The following SGIP1 variants were observed in gnomAD, a reference collection of about 807,000 sequenced individuals.
SGIP1 encodes SH3GL interacting endocytic adaptor 1.
In SGIP1, 38 loss-of-function variants were observed where a neutral mutation model predicts 107.5. The observed-to-expected ratio is 0.35, with a 90% confidence interval of 0.27 to 0.46. SGIP1 has a LOEUF of 0.46. Among genes scored for constraint, SGIP1 ranks in the 20% least tolerant of loss-of-function variants. The pLI, the probability that SGIP1 is intolerant of heterozygous loss-of-function variation, is 1.00. For synonymous variants in SGIP1, 365 were observed against 366.1 expected, an observed-to-expected ratio of 1.00 and a Z score of 0.03; for missense variants, 929 against 1,019.5, an observed-to-expected ratio of 0.91 and a Z score of 1.21.
At chr1:66,689,062 A>T in intron 15 of SGIP1, 86 bp from the exon 16 acceptor site, 1 of 1,433,174 alleles carries the variant, frequency 7.0e-7, no homozygotes, top group African/African-American at 1.4e-5. Context: ...AAAAAAAAAA[A>T]AATGTCCGGG....
chr1:66,632,952 G>C, intron 2 of SGIP1, 118 bp from the exon 3 acceptor site: 1 of 748,446 alleles, frequency 1.3e-6, no homozygotes, highest in Non-Finnish European at 2.4e-6. Context: ...CAGGTTTACT[G>C]GGGTGGGAAT....
chr1:66,733,137 C>T (rs749833108), intron 20 of SGIP1, among the ~76,000 whole-genome samples: 3 of 152,220 alleles, frequency 2.0e-5, no homozygotes, highest in Admixed American at 6.5e-5. Flanking sequence ...TGTATTATAA[C>T]TACCAAAATT....
intron 19 of SGIP1, among the ~76,000 whole-genome samples, chr1:66,720,526 A>G (rs2093477581): frequency 6.6e-6 from 1 of 152,174 alleles, no homozygotes; most frequent in Admixed American, 6.5e-5. Flanking sequence ...CAGGAGATCG[A>G]GACCACCCCT....
At chr1:66,536,185 T>C (rs1349530512) in intron 1 of SGIP1, among the ~76,000 whole-genome samples, 1 of 152,240 alleles carries the variant, frequency 6.6e-6, no homozygotes. Flanking sequence ...GAATTAGCAC[T>C]ATTGCTCTGG....
At chr1:66,625,972 C>A in intron 2 of SGIP1, 62 bp downstream of exon 2, 1 of 1,337,090 alleles carries the variant, frequency 7.5e-7, no homozygotes, top group Non-Finnish European at 1.1e-6. Context: ...GCTCTTATCA[C>A]AGTCAATATA....
chr1:66,533,865 T>G (rs2147908539), upstream of SGIP1, among the ~76,000 whole-genome samples: 1 of 152,010 alleles, frequency 6.6e-6, no homozygotes, highest in Middle Eastern at 3.4e-3. Flanking sequence ...CCTTGATAAC[T>G]AATCTCGGGC....
intron 18 of SGIP1, chr1:66,704,238 C>G (rs923895402): frequency 5.9e-5 from 9 of 152,004 alleles, no homozygotes; most frequent in African/African-American, 2.2e-4. Flanking sequence ...TTTGATTCTG[C>G]TGAGAGTTGC....
intron 1 of SGIP1, among the ~76,000 whole-genome samples, chr1:66,569,497 AT>A (rs1262757430): frequency 6.6e-6 from 1 of 151,424 alleles, no homozygotes; most frequent in African/African-American, 2.4e-5. Flanking sequence ...TAAGAATGTG[AT>A]TTTTCTTCTT....
chr1:66,643,724 G>A lies in SGIP1; in HGVS notation c.459+5G>A. On this transcript the variant is annotated splice_donor_5th_base_variant and intron_variant, in intron 7 of 24. Transcript: ENST00000371037. ...GCACTTTCCCCATCACCAGTGGTGA[G>A]TGTTGTGTGTGTGTGTGTTAAGCTT... 1 of 1,591,154 alleles carries A rather than the reference G, an allele frequency of 6.3e-7. No homozygotes were observed. The highest frequency in any genetic ancestry group is 8.5e-7 in the Non-Finnish European group (1 of 1,169,978).
intron 1 of SGIP1, among the ~76,000 whole-genome samples, chr1:66,625,644 G>A (rs546516061): frequency 2.8e-4 from 42 of 152,240 alleles, no homozygotes; most frequent in African/African-American, 9.4e-4. Flanking sequence ...AAGAACTTAT[G>A]GTATGAAGTC....
Position 66,617,747 on chromosome 1 carries a change from C to A in SGIP1, c.11-8100C>A, listed in dbSNP as rs183030846. The stretch of plus-strand genomic sequence containing the variant: ...ATGGGGTCCCTTTATGTTCACTGGG[C>A]AGTATATAAAGATTTAAACATGCAA... On this transcript the variant is annotated intron_variant, in intron 1 of 24. Transcript: ENST00000371037. 1.6e-4 allele frequency among the ~76,000 whole-genome samples: 25 copies of A among 152,178 alleles called. No individual in the cohort carries two copies. The East Asian group carries it at 3.3e-3, about 20-fold the overall frequency.
chr1:66,711,164 T>A (rs1164126275), intron 18 of SGIP1, among the ~76,000 whole-genome samples: 2 of 152,182 alleles, frequency 1.3e-5, no homozygotes, highest in Non-Finnish European at 2.9e-5. Flanking sequence ...AATCAAACCC[T>A]TCTATCATTA....
intron 1 of SGIP1, among the ~76,000 whole-genome samples, chr1:66,589,298 G>A (rs1397329679): frequency 6.9e-6 from 1 of 145,184 alleles, no homozygotes; most frequent in East Asian, 2.0e-4. Context: ...TCAATTTAAT[G>A]TTTGCTGAAG....
intron 20 of SGIP1, among the ~76,000 whole-genome samples, chr1:66,733,320 G>A (rs1324183078): frequency 1.3e-5 from 2 of 152,138 alleles, no homozygotes; most frequent in Non-Finnish European, 2.9e-5. Context: ...TATTTCACTG[G>A]ATAATTTCTG....
At chr1:66,586,023 A>G (rs959708836) in intron 1 of SGIP1, among the ~76,000 whole-genome samples, 5 of 152,162 alleles carry the variant, frequency 3.3e-5, no homozygotes, top group Non-Finnish European at 2.9e-5. Flanking sequence ...TTTGTTGCAC[A>G]TATTCTGCAG....
chr1:66,695,215 A>C (rs1168618215), intron 17 of SGIP1: 3 of 882,054 alleles, frequency 3.4e-6, no homozygotes, highest in Non-Finnish European at 4.9e-6. Context: ...CCATTCCTTT[A>C]GGCCTCCATA....
At chr1:66,545,208 A>T (rs529088052) in intron 1 of SGIP1, among the ~76,000 whole-genome samples, 30 of 152,356 alleles carry the variant, frequency 2.0e-4, no homozygotes, top group Non-Finnish European at 3.5e-4. Flanking sequence ...CAAATGCCTT[A>T]GTGTGCTGTG....
intron 17 of SGIP1, among the ~76,000 whole-genome samples, chr1:66,691,263 C>A (rs1201802982): frequency 6.6e-6 from 1 of 152,186 alleles, no homozygotes; most frequent in Non-Finnish European, 1.5e-5. Flanking sequence ...CTGCTACTCT[C>A]GGAAGAGCAG....
intron 7 of SGIP1, among the ~76,000 whole-genome samples, chr1:66,649,703 T>G (rs758268140): frequency 6.6e-6 from 1 of 152,026 alleles, no homozygotes. Flanking sequence ...GTGCAGGAAT[T>G]AATTATAAGG....
Sources: gnomAD v4.1 joint callset for allele counts (sites outside exome capture counted in the v4.1 genomes callset) on GRCh38, gnomAD v4.1.1 for gene constraint, MANE v1.5 for transcripts, NCBI Gene and HGNC (gene_info 2026-07-23, HGNC 2026-07-21) for gene names.